The following AJAP1 variants were observed in gnomAD, a reference collection of about 807,000 sequenced individuals.
AJAP1 encodes adherens junctions associated protein 1.
A neutral mutation model predicts 35.0 loss-of-function variants in AJAP1; 5 were observed. The observed-to-expected ratio is 0.14, with a 90% confidence interval of 0.07 to 0.30. AJAP1 has a LOEUF of 0.30. Among genes scored for constraint, AJAP1 ranks in the 10% least tolerant of loss-of-function variants. The probability of loss-of-function intolerance (pLI) is 1.00; values close to 1 mark genes in which losing one functional copy is unlikely to be tolerated. For synonymous variants in AJAP1, 284 were observed against 249.3 expected, an observed-to-expected ratio of 1.14 and a Z score of -1.31; for missense variants, 586 against 571.0, an observed-to-expected ratio of 1.03 and a Z score of -0.27.
chr1:4,757,967 C>A (rs562881414), intron 2 of AJAP1, among the ~76,000 whole-genome samples: 1 of 152,166 alleles, frequency 6.6e-6, no homozygotes, highest in South Asian at 2.1e-4. Flanking sequence ...TGGAAGTGAT[C>A]ACCCTCATGC....
At chr1:4,701,017 G>A (rs942351110) in intron 1 of AJAP1, among the ~76,000 whole-genome samples, 1 of 152,196 alleles carries the variant, frequency 6.6e-6, no homozygotes, top group African/African-American at 2.4e-5. Flanking sequence ...CCCACACACT[G>A]CTTGTCACCA....
intron 1 of AJAP1, among the ~76,000 whole-genome samples, chr1:4,688,718 G>A (rs1639663557): frequency 6.7e-6 from 1 of 148,990 alleles, no homozygotes; most frequent in Non-Finnish European, 1.5e-5. Context: ...GTTGCCGTGA[G>A]CTGAGATCGT....
chr1:4,709,560 C>A (rs770358095), intron 1 of AJAP1, among the ~76,000 whole-genome samples: 1 of 152,188 alleles, frequency 6.6e-6, no homozygotes, highest in Non-Finnish European at 1.5e-5. Flanking sequence ...GACTCCCACC[C>A]AGCTCTGCAG....
intron 1 of AJAP1, among the ~76,000 whole-genome samples, chr1:4,705,253 CTTAAACG>C (rs994878909): frequency 2.8e-4 from 43 of 152,088 alleles, no homozygotes; most frequent in African/African-American, 1.0e-3. Context: ...GGATTAAAGA[CTTAAACG>C]TTAGACCTAA....
intron 1 of AJAP1, among the ~76,000 whole-genome samples, chr1:4,687,289 G>A (rs913323176): frequency 2.0e-5 from 3 of 152,224 alleles, no homozygotes; most frequent in East Asian, 1.9e-4. Flanking sequence ...CTGGGAAGCC[G>A]TGGATGGGTT....
At chr1:4,762,714 G>A (rs966131588) in intron 2 of AJAP1, among the ~76,000 whole-genome samples, 1 of 152,188 alleles carries the variant, frequency 6.6e-6, no homozygotes, top group African/African-American at 2.4e-5. Flanking sequence ...GAGTCTCCCT[G>A]CTGAATTATT....
At chr1:4,746,324 C>T (rs1297444902) in intron 2 of AJAP1, among the ~76,000 whole-genome samples, 1 of 152,188 alleles carries the variant, frequency 6.6e-6, no homozygotes, top group Non-Finnish European at 1.5e-5. Context: ...GAGTCCCAGG[C>T]AATTGAGATC....
Position 4,782,281 on chromosome 1 carries a change from A to T in AJAP1, c.*60-264A>T, listed in dbSNP as rs150497067. Among the ~76,000 whole-genome samples, 1 of 152,150 alleles carries T rather than the reference A, an allele frequency of 6.6e-6. No homozygotes were observed. Among genetic ancestry groups the T allele is most frequent in the African/African-American group, 2.4e-5 (1 of 41,448 alleles). On this transcript the variant is annotated intron_variant, in intron 5 of 5. Coordinates refer to ENST00000378191, the MANE Select transcript of AJAP1 (RefSeq NM_018836.4). This position sits in a 1 kb window ranked among gnomAD's most constrained non-coding sequence, Gnocchi z 5.3. ...TGGTAGCAAGCTCAGAGCTCTGTAG[A>T]TGACCAGAATTCCACAAGGTTCAGG...
intron 5 of AJAP1, among the ~76,000 whole-genome samples, chr1:4,778,882 C>T (rs1204341286): frequency 4.6e-5 from 7 of 152,156 alleles, no homozygotes; most frequent in African/African-American, 1.4e-4. Context: ...ACCTCTGCCG[C>T]GTCTCTGAGC....
intron 1 of AJAP1, among the ~76,000 whole-genome samples, chr1:4,686,097 C>G (rs756980666): frequency 3.9e-5 from 6 of 152,216 alleles, no homozygotes; most frequent in Non-Finnish European, 8.8e-5. Context: ...GTGCCAGGCA[C>G]GAGACAGCTG....
At chr1:4,772,199 A>G in intron 3 of AJAP1, 81 bp from the exon 4 acceptor site, 1 of 1,576,340 alleles carries the variant, frequency 6.3e-7, no homozygotes, top group Non-Finnish European at 8.7e-7. Flanking sequence ...CAAGCGAAAG[A>G]CCCACAGTGG....
At chr1:4,690,301 C>T (rs1639710587) in intron 1 of AJAP1, among the ~76,000 whole-genome samples, 2 of 152,186 alleles carry the variant, frequency 1.3e-5, no homozygotes. Context: ...CCTCCCACCA[C>T]CAAGAGGTCC....
chr1:4,753,311 C>G (rs1323201382), intron 2 of AJAP1, among the ~76,000 whole-genome samples: 3 of 151,392 alleles, frequency 2.0e-5, no homozygotes, highest in Non-Finnish European at 4.4e-5. Flanking sequence ...TTGAGGCTTA[C>G]TGATCTAGGC....
chr1:4,721,031 C>T (rs1038779590), intron 2 of AJAP1, among the ~76,000 whole-genome samples: 14 of 152,198 alleles, frequency 9.2e-5, no homozygotes, highest in African/African-American at 4.8e-5. Context: ...GCAAGGGGCA[C>T]GACTCTCCCC....
At position 4,723,082 on chromosome 1, in the gene AJAP1, G is replaced by A. The variant is rs12566272; in HGVS notation, c.829+10383G>A. On this transcript the variant is annotated intron_variant, in intron 2 of 5. Transcript: ENST00000378191. The surrounding 1 kb of genome is among the most constrained non-coding windows in gnomAD (Gnocchi z 4.3). ...GACGTGATAACTTGTAGAGAGGTGG[G>A]ACGCGAGCCCCAAGAGAGCATCGGC... Among the ~76,000 whole-genome samples, 20,015 of 152,138 alleles carry A rather than the reference G, an allele frequency of 0.13. 2,415 individuals carry two copies. The highest frequency in any genetic ancestry group is 0.32 in the African/African-American group (13,181 of 41,450).
At position 4,783,800 on chromosome 1, in the gene AJAP1, G is replaced by A. The variant is rs989559052; in HGVS notation, c.*1315G>A. On this transcript the variant is annotated 3_prime_UTR_variant, in exon 6 of 6. Coordinates refer to ENST00000378191, the MANE Select transcript of AJAP1 (RefSeq NM_018836.4). ...AAAGGAATATATCCTTATGATGTGTGTGTGTAATATCAGGGCAGAACTTAG... is the reference window on the plus strand; with the variant it reads ...AAAGGAATATATCCTTATGATGTGTATGTGTAATATCAGGGCAGAACTTAG... 2 of 152,000 alleles carry A rather than the reference G, an allele frequency of 1.3e-5. No homozygotes were observed. Among genetic ancestry groups the A allele is most frequent in the Middle Eastern group, 3.2e-3 (1 of 316 alleles). The allele number at this position is 152,000 out of a possible 1,614,324, so 9.4% of individuals were successfully genotyped here.
In AJAP1 at chr1:4,786,403, A is replaced by G. The variant is rs149789918; in HGVS notation, c.*3918A>G. 7 of 151,532 alleles carry G rather than the reference A, an allele frequency of 4.6e-5. No homozygotes were observed. The highest frequency in any genetic ancestry group is 1.3e-4 in the Admixed American group (2 of 15,214). 9.4% of individuals were successfully genotyped at this position (151,532 alleles called of 1,614,324 possible). On this transcript the variant is annotated 3_prime_UTR_variant, in exon 6 of 6. Transcript: ENST00000378191. Reference sequence around the variant, plus strand: ...CTGAACTCATCAGCAAACCCCACCCACTCTTTGAATCGGGACACCAGGAAA... The same window carrying G: ...CTGAACTCATCAGCAAACCCCACCCGCTCTTTGAATCGGGACACCAGGAAA...
intron 4 of AJAP1, among the ~76,000 whole-genome samples, chr1:4,773,733 T>C (rs1051019119): frequency 2.0e-5 from 3 of 152,216 alleles, no homozygotes; most frequent in Admixed American, 1.3e-4. Context: ...GGATGTTGGC[T>C]TGGACGTGAA....
At chr1:4,763,753 C>G (rs1365570780) in intron 2 of AJAP1, among the ~76,000 whole-genome samples, 2 of 151,068 alleles carry the variant, frequency 1.3e-5, no homozygotes, top group Non-Finnish European at 3.0e-5. Context: ...CCCTTTCTCC[C>G]TCTCCCTCTG....
Sources: gnomAD v4.1 joint callset for allele counts (sites outside exome capture counted in the v4.1 genomes callset) on GRCh38, gnomAD v4.1.1 for gene constraint, Gnocchi (gnomAD v3.1) non-coding constraint, MANE v1.5 for transcripts, NCBI Gene and HGNC (gene_info 2026-07-23, HGNC 2026-07-21) for gene names.